The following LRMDA variants were observed in gnomAD, a reference collection of about 807,000 sequenced individuals.
LRMDA encodes leucine-rich melanocyte differentiation-associated protein.
Under a neutral mutation model 29.8 loss-of-function variants are expected in LRMDA, and 18 were observed. That is an observed-to-expected ratio of 0.60 (90% CI 0.42 to 0.90). The LOEUF (loss-of-function observed/expected upper bound fraction) is 0.90, where lower values mean the gene tolerates loss of function less well. Among genes scored for constraint, LRMDA ranks in the 40% least tolerant of loss-of-function variants. LRMDA has a pLI of 0.00. For missense variants in LRMDA, 273 were observed against 273.9 expected (o/e 1.00, Z 0.02); for synonymous variants, 125 against 109.4 (o/e 1.14, Z -0.89).
chr10:75,889,171 G>A (rs1277132813), intron 2 of LRMDA, among the ~76,000 whole-genome samples: 1 of 152,212 alleles, frequency 6.6e-6, no homozygotes, highest in Admixed American at 6.5e-5. Flanking sequence ...AAATCAGCCT[G>A]TGTGCGAGAT....
At chr10:76,010,434 T>TGTAGG in intron 2 of LRMDA, among the ~76,000 whole-genome samples, 1 of 151,506 alleles carries the variant, frequency 6.6e-6, no homozygotes, top group Non-Finnish European at 1.5e-5. Flanking sequence ...TGCCTCAGCC[T>TGTAGG]CCTGAGTAGC....
chr10:75,828,102 T>C (rs182956736), intron 2 of LRMDA, among the ~76,000 whole-genome samples: 12 of 152,274 alleles, frequency 7.9e-5, no homozygotes, highest in African/African-American at 2.9e-4. Context: ...CCCTATACTG[T>C]CTCCTTTGAA....
intron 5 of LRMDA, among the ~76,000 whole-genome samples, chr10:76,137,241 G>C (rs1281527906): frequency 6.6e-6 from 1 of 152,104 alleles, no homozygotes; most frequent in African/African-American, 2.4e-5. Context: ...GATACACTTG[G>C]CTACCTCATT....
At chr10:75,864,669 T>G (rs1844990762) in intron 2 of LRMDA, among the ~76,000 whole-genome samples, 1 of 152,208 alleles carries the variant, frequency 6.6e-6, no homozygotes, top group Non-Finnish European at 1.5e-5. Context: ...CTTTTTACAA[T>G]TTACAATTTG....
rs1435022841 is a variant in LRMDA, at chr10:76,185,634, A to G, written c.516+126851A>G. The stretch of plus-strand genomic sequence containing the variant: ...TTCTTAGCATGTTTGTGCGAGGGAT[A>G]TGTGAAAGCGTTGGTGTCCTCTTGT... On this transcript the variant is annotated intron_variant, in intron 5 of 6. Coordinates refer to ENST00000611255, the MANE Select transcript of LRMDA (RefSeq NM_001305581.2). 2.0e-5 allele frequency among the ~76,000 whole-genome samples: 3 copies of G among 152,196 alleles called. 1 individual carries two copies. Among genetic ancestry groups the G allele is most frequent in the South Asian group, 4.1e-4 (2 of 4,830 alleles).
rs184034574 is a variant in LRMDA at position 76,375,003 on chromosome 10, T to A, written c.601+50518T>A. 5.3e-5 allele frequency among the ~76,000 whole-genome samples: 8 copies of A among 152,318 alleles called. No individual in the cohort carries two copies. The East Asian group carries it at 1.5e-3, about 29-fold the overall frequency. ...GCTAGATTTAGCTCATCTATCTGCATGTGTGGCAGGCAGTGCAAATGTAAA... is the reference window on the plus strand; with the variant it reads ...GCTAGATTTAGCTCATCTATCTGCAAGTGTGGCAGGCAGTGCAAATGTAAA... On this transcript the variant is annotated intron_variant, in intron 6 of 6. Coordinates refer to ENST00000611255, the MANE Select transcript of LRMDA (RefSeq NM_001305581.2).
At chr10:75,916,022 C>T (rs1401103168) in intron 2 of LRMDA, among the ~76,000 whole-genome samples, 1 of 151,986 alleles carries the variant, frequency 6.6e-6, no homozygotes, top group African/African-American at 2.4e-5. Context: ...CTTATTGGGC[C>T]CATTGGTATT....
chr10:76,118,305 T>G (rs2132121508), intron 5 of LRMDA, among the ~76,000 whole-genome samples: 1 of 152,276 alleles, frequency 6.6e-6, no homozygotes, highest in African/African-American at 2.4e-5. Context: ...GAATCACATC[T>G]CACCTTAAGG....
intron 5 of LRMDA, among the ~76,000 whole-genome samples, chr10:76,137,911 G>A (rs1449332412): frequency 1.3e-5 from 2 of 152,112 alleles, no homozygotes; most frequent in Admixed American, 6.6e-5. Context: ...TGGCTGGGGG[G>A]ACTGTGATTC....
intron 2 of LRMDA, among the ~76,000 whole-genome samples, chr10:75,444,299 T>C (rs1301086433): frequency 6.6e-6 from 1 of 152,194 alleles, no homozygotes; most frequent in Non-Finnish European, 1.5e-5. Context: ...GACTCTTTTC[T>C]GGGGGAGAAT....
intron 5 of LRMDA, among the ~76,000 whole-genome samples, chr10:76,129,792 C>G (rs1849953442): frequency 6.6e-6 from 1 of 152,124 alleles, no homozygotes; most frequent in Admixed American, 6.5e-5. Context: ...GCCATGCCTT[C>G]CAATGGTCTG....
intron 5 of LRMDA, among the ~76,000 whole-genome samples, chr10:76,295,369 T>C (rs942003243): frequency 6.6e-6 from 1 of 151,670 alleles, no homozygotes; most frequent in Non-Finnish European, 1.5e-5. Context: ...ATGCAAGGAC[T>C]CATTTGAATT....
chr10:75,875,711 C>T (rs956061365), intron 2 of LRMDA, among the ~76,000 whole-genome samples: 3 of 152,204 alleles, frequency 2.0e-5, no homozygotes, highest in East Asian at 1.9e-4. Flanking sequence ...GGATTACAGG[C>T]GTGAGCCACG....
At chr10:75,566,555 C>A (rs1034866487) in intron 2 of LRMDA, among the ~76,000 whole-genome samples, 4 of 152,096 alleles carry the variant, frequency 2.6e-5, no homozygotes, top group African/African-American at 9.7e-5. Flanking sequence ...ACTCCAATGG[C>A]AATTTCTCTC....
At chr10:76,369,775 C>T (rs112666604) in intron 6 of LRMDA, among the ~76,000 whole-genome samples, 7 of 152,218 alleles carry the variant, frequency 4.6e-5, no homozygotes, top group African/African-American at 1.7e-4. Context: ...TTGTAAAATG[C>T]TGCAACCTGG....
intron 2 of LRMDA, among the ~76,000 whole-genome samples, chr10:75,510,992 G>T (rs1019837491): frequency 1.6e-4 from 24 of 152,146 alleles, no homozygotes; most frequent in Admixed American, 5.9e-4. Flanking sequence ...GTTCCCTTCT[G>T]TGCCCACACT....
chr10:75,730,065 G>A (rs1842678115), intron 2 of LRMDA, among the ~76,000 whole-genome samples: 1 of 152,046 alleles, frequency 6.6e-6, no homozygotes, highest in Non-Finnish European at 1.5e-5. Flanking sequence ...CTCTGAGCAA[G>A]TGTAATACCA....
chr10:76,042,461 G>A (rs1848357728), intron 3 of LRMDA, among the ~76,000 whole-genome samples: 1 of 152,152 alleles, frequency 6.6e-6, no homozygotes, highest in Admixed American at 6.5e-5. Context: ...CTTCTTTGTG[G>A]CCAGGGACAG....
chr10:76,121,094 C>T (rs1045125633), intron 5 of LRMDA, among the ~76,000 whole-genome samples: 1 of 151,792 alleles, frequency 6.6e-6, no homozygotes, highest in Non-Finnish European at 1.5e-5. Flanking sequence ...GTGTTCCTCA[C>T]ACCACCCGCA....
Sources: allele counts gnomAD v4.1 joint callset (sites outside exome capture counted in the v4.1 genomes callset), GRCh38; gene constraint gnomAD v4.1.1; transcripts MANE v1.5; gene names NCBI Gene and HGNC (gene_info 2026-07-23, HGNC 2026-07-21).